The following ZBBX variants were observed in gnomAD, a reference collection of about 807,000 sequenced individuals.
ZBBX encodes the protein zinc finger B-box domain-containing protein 1.
A neutral mutation model predicts 108.5 loss-of-function variants in ZBBX; 101 were observed. The ratio of observed to expected loss-of-function variants is 0.93; its 90% CI spans 0.79 to 1.10. The LOEUF is 1.10. Among genes scored for constraint, ZBBX ranks in the 50% least tolerant of loss-of-function variants. ZBBX has a pLI of 0.00. For synonymous variants in ZBBX, 356 were observed against 323.4 expected (o/e 1.10, Z -1.08); for missense variants, 1,009 against 941.4 (o/e 1.07, Z -0.94).
chr3:167,231,811 T>C, the ZBBX span, among the ~76,000 whole-genome samples: 2 of 151,944 alleles, frequency 1.3e-5, no homozygotes, highest in Non-Finnish European at 2.9e-5. Context: ...AGAAATTAGA[T>C]GTTTAACCTG....
the ZBBX span, among the ~76,000 whole-genome samples, chr3:167,209,037 A>G: frequency 6.6e-6 from 1 of 152,094 alleles, no homozygotes; most frequent in Non-Finnish European, 1.5e-5. Context: ...AGTACTTTCC[A>G]TGGGCCTGGG....
chr3:167,232,792 T>C, the ZBBX span, among the ~76,000 whole-genome samples: 1 of 151,708 alleles, frequency 6.6e-6, no homozygotes, highest in African/African-American at 2.4e-5. Context: ...TGTCCACCAA[T>C]GGCTCTTTGA....
chr3:167,188,732 G>A, the ZBBX span, among the ~76,000 whole-genome samples: 457 of 152,222 alleles, frequency 3.0e-3, 1 homozygote, highest in Non-Finnish European at 4.7e-3. Flanking sequence ...TTTACTGCCA[G>A]TTGCTTTAGT....
intron 6 of ZBBX, among the ~76,000 whole-genome samples, chr3:167,362,886 G>C (rs1473613794): frequency 1.3e-5 from 2 of 151,830 alleles, no homozygotes; most frequent in Non-Finnish European, 2.9e-5. Context: ...TCTTCCACCT[G>C]AACTTCAGCA....
Position 167,393,120 on chromosome 3 carries a change from T to C in ZBBX, c.-445-12715A>G, listed in dbSNP as rs531429553. 2.6e-5 allele frequency among the ~76,000 whole-genome samples: 4 copies of C among 151,938 alleles called. No homozygotes were observed. In the East Asian group the frequency reaches 7.8e-4, roughly 30 times the overall value. ...AAACCCCCTTTTGCCCCTCTTTCCC[T>C]GGACAATGGAGTACACCACTTAAGG... On this transcript the variant is annotated intron_variant, in intron 1 of 21. Coordinates refer to the ZBBX transcript ENST00000455345.
chr3:167,348,469 AAG>A (rs145487212), intron 9 of ZBBX, among the ~76,000 whole-genome samples: 57,022 of 149,902 alleles, frequency 0.38, 11,394 homozygotes, highest in East Asian at 0.66. Flanking sequence ...GAAAGAAAGA[AAG>A]AGAGAGAAGG....
At chr3:167,372,583 A>T (rs1469708766) in intron 4 of ZBBX, among the ~76,000 whole-genome samples, 2 of 152,178 alleles carry the variant, frequency 1.3e-5, no homozygotes, top group Admixed American at 1.3e-4. Context: ...TATGTTTAAC[A>T]TTCTGTTGTA....
At chr3:167,249,349 T>C (rs1722167426) in intron 20 of ZBBX, among the ~76,000 whole-genome samples, 1 of 152,142 alleles carries the variant, frequency 6.6e-6, no homozygotes, top group African/African-American at 2.4e-5. Context: ...CTGTTTGGCA[T>C]CTCAGGGAAG....
At chr3:167,327,140 A>T (rs1451032327) in intron 11 of ZBBX, among the ~76,000 whole-genome samples, 1 of 144,640 alleles carries the variant, frequency 6.9e-6, no homozygotes, top group East Asian at 2.1e-4. Context: ...CGAAATTATA[A>T]AAAAAAAAAA....
intron 4 of ZBBX, 38 bp from the exon 5 acceptor site, chr3:167,368,612 C>T: frequency 6.8e-7 from 1 of 1,470,458 alleles, no homozygotes. Flanking sequence ...AGCAGAAAAA[C>T]AAGCGAAGCC....
chr3:167,246,264 G>T (rs1721555415), intron 20 of ZBBX, among the ~76,000 whole-genome samples: 1 of 152,168 alleles, frequency 6.6e-6, no homozygotes, highest in African/African-American at 2.4e-5. Flanking sequence ...GCAATTCAAA[G>T]ACACACTAAA....
intron 20 of ZBBX, among the ~76,000 whole-genome samples, chr3:167,261,775 CA>C (rs60045904): frequency 0.051 from 4,949 of 96,108 alleles, 126 homozygotes; most frequent in African/African-American, 0.094. Context: ...CTCCCAACTG[CA>C]AAAAAAAAAA....
At chr3:167,269,226 G>A (rs564838746) in intron 20 of ZBBX, among the ~76,000 whole-genome samples, 9 of 152,228 alleles carry the variant, frequency 5.9e-5, no homozygotes, top group South Asian at 2.1e-4. Flanking sequence ...TTCAGGGGCC[G>A]CTCGCTCCTC....
upstream of ZBBX, among the ~76,000 whole-genome samples, chr3:167,383,740 A>G (rs931712028): frequency 1.3e-5 from 2 of 152,104 alleles, no homozygotes; most frequent in African/African-American, 4.8e-5. Flanking sequence ...AGCCTTGTTG[A>G]ATGAGCATAG....
intron 1 of ZBBX, among the ~76,000 whole-genome samples, chr3:167,392,499 AC>A (rs1372222104): frequency 2.6e-5 from 4 of 151,904 alleles, no homozygotes; most frequent in Non-Finnish European, 4.4e-5. Context: ...AAACTGTCAA[AC>A]TGTTTTCCAA....
chr3:167,200,635 A>G, the ZBBX span, among the ~76,000 whole-genome samples: 5 of 152,186 alleles, frequency 3.3e-5, no homozygotes, highest in Non-Finnish European at 5.9e-5. Flanking sequence ...CTTGATAAAT[A>G]TTTATTCAGT....
At chr3:167,213,992 C>T in the ZBBX span, among the ~76,000 whole-genome samples, 1 of 152,068 alleles carries the variant, frequency 6.6e-6, no homozygotes, top group Non-Finnish European at 1.5e-5. Flanking sequence ...TTTTGAGGGA[C>T]TTCATTACCA....
intron 2 of ZBBX, among the ~76,000 whole-genome samples, chr3:167,377,991 G>T (rs932179794): frequency 5.3e-5 from 8 of 152,066 alleles, no homozygotes; most frequent in African/African-American, 1.9e-4. Context: ...GTTTTATAAG[G>T]GCTATCCCCT....
intron 9 of ZBBX, among the ~76,000 whole-genome samples, chr3:167,344,791 G>A (rs914948468): frequency 6.6e-6 from 1 of 151,790 alleles, no homozygotes. Context: ...AAAGCCCACT[G>A]CACTCAGGGA....
Sources: gnomAD v4.1 joint callset for allele counts (sites outside exome capture counted in the v4.1 genomes callset) on GRCh38, gnomAD v4.1.1 for gene constraint, MANE v1.5 for transcripts, NCBI Gene and HGNC (gene_info 2026-07-23, HGNC 2026-07-21) for gene names.